The following ACTN4 variants were observed in gnomAD, a reference collection of about 807,000 sequenced individuals.
ACTN4 encodes actinin alpha 4.
In ACTN4, 18 loss-of-function variants were observed where a neutral mutation model predicts 114.2. The ratio of observed to expected loss-of-function variants is 0.16; its 90% CI spans 0.11 to 0.23. ACTN4 has a LOEUF of 0.23. ACTN4 is among the 10% of genes least tolerant of loss of function. The pLI is 1.00. For synonymous variants in ACTN4, 515 were observed against 506.3 expected (o/e 1.02, Z -0.23); for missense variants, 722 against 1,262.9 (o/e 0.57, Z 6.49).
intron 1 of ACTN4, among the ~76,000 whole-genome samples, chr19:38,658,949 G>C (rs916393567): frequency 4.6e-5 from 7 of 152,042 alleles, no homozygotes; most frequent in Non-Finnish European, 4.4e-5. Context: ...ACCCGACACT[G>C]TGTCTCATGG....
chr19:38,670,932 A>AAC (rs202125240), intron 1 of ACTN4, among the ~76,000 whole-genome samples: 3 of 151,762 alleles, frequency 2.0e-5, no homozygotes, highest in African/African-American at 7.3e-5. Flanking sequence ...AAAAAAAAAA[A>AAC]AAAAAACCTG....
intron 1 of ACTN4, among the ~76,000 whole-genome samples, chr19:38,657,236 C>T (rs975185664): frequency 3.3e-5 from 5 of 151,984 alleles, no homozygotes; most frequent in Admixed American, 1.3e-4. Flanking sequence ...TCTGCCTCCC[C>T]GGTTCAAGTG....
intron 1 of ACTN4, among the ~76,000 whole-genome samples, chr19:38,689,590 C>T (rs1967857168): frequency 6.6e-6 from 1 of 152,154 alleles, no homozygotes; most frequent in South Asian, 2.1e-4. Flanking sequence ...CTCGAATTCC[C>T]AGGCTTAAGT....
At chr19:38,712,764 G>A (rs1221321748) in intron 8 of ACTN4, among the ~76,000 whole-genome samples, 4 of 152,096 alleles carry the variant, frequency 2.6e-5, no homozygotes, top group South Asian at 2.1e-4. Context: ...TACGGGCCCC[G>A]AACCAGCCCC....
intron 1 of ACTN4, among the ~76,000 whole-genome samples, chr19:38,675,072 G>C (rs918969841): frequency 2.0e-5 from 3 of 152,234 alleles, no homozygotes; most frequent in Non-Finnish European, 4.4e-5. Flanking sequence ...GGCTCAGTCT[G>C]CCTATATATG....
intron 1 of ACTN4, among the ~76,000 whole-genome samples, chr19:38,672,890 G>A (rs1405800001): frequency 6.6e-6 from 1 of 151,444 alleles, no homozygotes; most frequent in African/African-American, 2.4e-5. Flanking sequence ...CCATTTTTAA[G>A]TGATTGATCA....
At chr19:38,664,814 A>G (rs1306388814) in intron 1 of ACTN4, among the ~76,000 whole-genome samples, 3 of 152,156 alleles carry the variant, frequency 2.0e-5, no homozygotes, top group Non-Finnish European at 4.4e-5. Flanking sequence ...GGCATAGATG[A>G]TAAGGAGGTG....
intron 1 of ACTN4, among the ~76,000 whole-genome samples, chr19:38,691,425 A>AAAAAAAAAAAAAC (rs1967925927): frequency 7.8e-6 from 1 of 127,786 alleles, no homozygotes; most frequent in African/African-American, 2.8e-5. Flanking sequence ...CAAAAAAAAC[A>AAAAAAAAAAAAAC]AAAAAAAAAA....
intron 1 of ACTN4, among the ~76,000 whole-genome samples, chr19:38,651,637 G>A (rs1976564736): frequency 6.6e-6 from 1 of 152,204 alleles, no homozygotes. Flanking sequence ...TTTTTTTTTG[G>A]AGACGGAGTT....
intron 11 of ACTN4, 142 bp downstream of exon 11, chr19:38,718,216 ATG>A (rs754400635): frequency 1.1e-5 from 15 of 1,395,292 alleles, no homozygotes; most frequent in African/African-American, 1.4e-5. Flanking sequence ...GCTTGGGAGC[ATG>A]TGTGTGTGTC....
intron 7 of ACTN4, among the ~76,000 whole-genome samples, chr19:38,709,805 C>T (rs1335653003): frequency 6.6e-6 from 1 of 152,198 alleles, no homozygotes; most frequent in East Asian, 1.9e-4. Context: ...GTGCTTCAGG[C>T]TTCCTGCGAG....
rs1464858911 is a variant in ACTN4 at position 38,679,775 on chromosome 19, T to A, written c.163-20825T>A. 2.0e-5 allele frequency among the ~76,000 whole-genome samples: 3 copies of A among 152,044 alleles called. No individual in the cohort carries two copies. The East Asian group carries it at 5.8e-4, about 29-fold the overall frequency. On this transcript the variant is annotated intron_variant, in intron 1 of 20. Coordinates refer to ENST00000252699, the MANE Select transcript of ACTN4 (RefSeq NM_004924.6). ...CCTCCCAAAATGCTGGGATTACAAG[T>A]GTGAGCCACCGCACCCGGCCAATGT...
intron 1 of ACTN4, among the ~76,000 whole-genome samples, chr19:38,670,384 G>T (rs542392997): frequency 2.0e-5 from 3 of 152,332 alleles, no homozygotes; most frequent in South Asian, 4.1e-4. Context: ...CAGAGCAGGT[G>T]ATCCTGTCAT....
rs183143085 is a variant in ACTN4 at position 38,714,714 on chromosome 19, C to T, written c.912+153C>T. Among the ~76,000 whole-genome samples the T allele has an allele frequency of 5.6e-3, 859 of 152,356 alleles. 5 individuals carry two copies. Among genetic ancestry groups the T allele is most frequent in the African/African-American group, 0.02 (825 of 41,594 alleles). The stretch of plus-strand genomic sequence containing the variant: ...ATGGCATTTAGCCAGCTGGTGTGTA[C>T]ACGACCTCTCCGTTTGCTTCCACAA... On this transcript the variant is annotated intron_variant, in intron 9 of 20. Coordinates refer to ENST00000252699, the MANE Select transcript of ACTN4 (RefSeq NM_004924.6).
At chr19:38,718,560 T>C (rs1968924629) in intron 11 of ACTN4, among the ~76,000 whole-genome samples, 1 of 152,058 alleles carries the variant, frequency 6.6e-6, no homozygotes, top group African/African-American at 2.4e-5. Flanking sequence ...GAAATGCTGC[T>C]TTGGATTCCT....
chr19:38,722,013 C>G (rs1969062466), intron 12 of ACTN4: 1 of 439,940 alleles, frequency 2.3e-6, no homozygotes, highest in Non-Finnish European at 4.2e-6. Context: ...GCCCTGGTCC[C>G]CTGATGGGAT....
rs368567172 is a variant in ACTN4, at chr19:38,731,085, A to C, written c.*1653A>C. 39 of 1,100,866 alleles carry C rather than the reference A, an allele frequency of 3.5e-5. No individual in the cohort carries two copies. Among genetic ancestry groups the C allele is most frequent in the Middle Eastern group, 3.7e-4 (1 of 2,710 alleles). The allele number at this position is 1,100,866 out of a possible 1,614,324, so 68.2% of individuals were successfully genotyped here. On this transcript the variant is annotated 3_prime_UTR_variant, in exon 21 of 21. Coordinates refer to ENST00000252699, the MANE Select transcript of ACTN4 (RefSeq NM_004924.6). ...CCCGTACCCCTTCCCCCCATGCCCC[A>C]CCATGCCGGGGTGGTACTCACAGAA...
At chr19:38,711,366 G>A (rs1280791858) in intron 8 of ACTN4, 2 of 1,028,680 alleles carry the variant, frequency 1.9e-6, no homozygotes, top group Non-Finnish European at 1.2e-6. Flanking sequence ...CAGAAGGTGA[G>A]CTGGGCCAGG....
At position 38,727,009 on chromosome 19, in the gene ACTN4, A is replaced by G; in HGVS notation, c.2243A>G (p.Asn748Ser). ...QLLTTIARTINEVENQILTRD... is the reference protein window; with the variant it reads ...QLLTTIARTISEVENQILTRD... ...CTCACCACCATTGCCCGCACCATCA[A>G]CGAGGTGGAGAACCAGATCCTCACC... The change falls in exon 18 of 21, where the codon AAC (asparagine) becomes AGC (serine). Residue 748 changes from asparagine to serine, a missense_variant. By Grantham distance (46) the Asn-to-Ser change is conservative. This residue lies in a region of ACTN4 where 523 missense variants were observed against 875.9 expected (regional missense o/e 0.60). Transcript: ENST00000252699. This position sits in a 1 kb window ranked among gnomAD's most constrained non-coding sequence, Gnocchi z 5.4. The G allele has an allele frequency of 6.2e-7, 1 of 1,614,088 alleles. No individual in the cohort carries two copies. The highest frequency in any genetic ancestry group is 8.5e-7 in the Non-Finnish European group (1 of 1,180,008).
Sources: allele counts gnomAD v4.1 joint callset (sites outside exome capture counted in the v4.1 genomes callset), GRCh38; gene constraint gnomAD v4.1.1; regional missense constraint gnomAD v4.1.1; non-coding constraint Gnocchi (gnomAD v3.1); transcripts MANE v1.5; gene names NCBI Gene and HGNC (gene_info 2026-07-23, HGNC 2026-07-21).